The following DLC1 variants were observed in gnomAD, a reference collection of about 807,000 sequenced individuals.
The protein encoded by DLC1 is DLC1 Rho GTPase activating protein.
DLC1 carries 54 observed loss-of-function variants against 140.3 expected under a neutral mutation model. The observed-to-expected ratio is 0.38, with a 90% CI of 0.31 to 0.48. The LOEUF (loss-of-function observed/expected upper bound fraction) is 0.48, where lower values mean the gene tolerates loss of function less well. DLC1 is among the 20% of genes least tolerant of loss of function. The probability of loss-of-function intolerance (pLI) is 0.96; values close to 1 mark genes in which losing one functional copy is unlikely to be tolerated. For missense variants in DLC1, 2,536 were observed against 1,907.0 expected, an observed-to-expected ratio of 1.33 and a Z score of -6.14; for synonymous variants, 986 against 728.1, an observed-to-expected ratio of 1.35 and a Z score of -5.70.
At chr8:13,406,181 G>GTTGTTTTTTTT (rs1554514489) in intron 2 of DLC1, among the ~76,000 whole-genome samples, 4 of 84,960 alleles carry the variant, frequency 4.7e-5, no homozygotes, top group Non-Finnish European at 8.6e-5. Flanking sequence ...TAATTTTTGT[G>GTTGTTTTTTTT]TTTTTTTTTT....
chr8:13,231,432 G>T (rs898054459), intron 5 of DLC1, among the ~76,000 whole-genome samples: 4 of 152,154 alleles, frequency 2.6e-5, no homozygotes, highest in Non-Finnish European at 4.4e-5. Flanking sequence ...TGTTAAATGA[G>T]ATGATTTCTA....
intron 1 of DLC1, among the ~76,000 whole-genome samples, chr8:13,538,369 A>G (rs1334629500): frequency 8.6e-6 from 1 of 116,292 alleles, no homozygotes; most frequent in Non-Finnish European, 1.6e-5. Context: ...CACTGAGTAT[A>G]AAAAAAAAAA....
intron 1 of DLC1, among the ~76,000 whole-genome samples, chr8:13,553,204 ATATATATATATATATATATATATG>A (rs1363162409): frequency 3.5e-4 from 12 of 34,758 alleles, no homozygotes; most frequent in East Asian, 3.8e-3. Context: ...GCCAGCTGTC[ATATATATATATATATATATATATG>A]TATATATATA....
chr8:13,090,496 G>C, intron 14 of DLC1, 26 bp from the exon 15 acceptor site: 2 of 1,611,604 alleles, frequency 1.2e-6, no homozygotes, highest in African/African-American at 2.7e-5. Context: ...CAGACAGAAA[G>C]GAGGTGAGTC....
chr8:13,495,770 A>T (rs1801472789), intron 2 of DLC1, among the ~76,000 whole-genome samples: 1 of 152,214 alleles, frequency 6.6e-6, no homozygotes, highest in South Asian at 2.1e-4. Context: ...GCTAAGATTT[A>T]TGGGCTTCAA....
At chr8:13,495,471 T>G (rs1251732635) in intron 2 of DLC1, among the ~76,000 whole-genome samples, 2 of 152,202 alleles carry the variant, frequency 1.3e-5, no homozygotes, top group African/African-American at 4.8e-5. Context: ...TTATGGCACA[T>G]TCACTAACAT....
intron 5 of DLC1, 122 bp downstream of exon 5, chr8:13,305,144 AAAC>A (rs1395277824): frequency 1.0e-5 from 14 of 1,389,574 alleles, no homozygotes; most frequent in South Asian, 3.7e-5. Flanking sequence ...TACAGAATTT[AAAC>A]AACATTTTCC....
At chr8:13,454,508 G>A (rs900713802) in intron 2 of DLC1, among the ~76,000 whole-genome samples, 1 of 152,170 alleles carries the variant, frequency 6.6e-6, no homozygotes, top group Non-Finnish European at 1.5e-5. Flanking sequence ...TGGAACAAAT[G>A]TGCCTGATGG....
intron 4 of DLC1, among the ~76,000 whole-genome samples, chr8:13,353,852 C>T (rs182478798): frequency 2.6e-4 from 39 of 148,368 alleles, no homozygotes; most frequent in Middle Eastern, 3.4e-3. Context: ...AGTGAGACTT[C>T]GTCTGGAAAA....
intron 5 of DLC1, among the ~76,000 whole-genome samples, chr8:13,124,020 TAAAAG>T (rs1339091687): frequency 1.3e-5 from 2 of 152,208 alleles, no homozygotes; most frequent in African/African-American, 2.4e-5. Context: ...GTAACTATTA[TAAAAG>T]AAGTTTCAAA....
At chr8:13,189,009 A>G (rs1826586722) in intron 5 of DLC1, among the ~76,000 whole-genome samples, 1 of 151,458 alleles carries the variant, frequency 6.6e-6, no homozygotes. Context: ...ATTTTTAAAC[A>G]AATAAAAATC....
chr8:13,443,599 A>C (rs1252342067), intron 2 of DLC1, among the ~76,000 whole-genome samples: 1 of 148,200 alleles, frequency 6.7e-6, no homozygotes, highest in East Asian at 2.0e-4. Context: ...CGGAGCTTGC[A>C]GTGAGCCAAG....
intron 2 of DLC1, among the ~76,000 whole-genome samples, chr8:13,473,187 T>C (rs2117079840): frequency 6.6e-6 from 1 of 152,306 alleles, no homozygotes; most frequent in African/African-American, 2.4e-5. Flanking sequence ...AGACAGGTTT[T>C]CAGTAGAGAA....
At chr8:13,383,001 C>T (rs1341977494) in intron 4 of DLC1, among the ~76,000 whole-genome samples, 2 of 152,144 alleles carry the variant, frequency 1.3e-5, no homozygotes, top group African/African-American at 2.4e-5. Flanking sequence ...AGCAGAAACA[C>T]CTATAGCTTG....
Position 13,451,037 on chromosome 8 carries a change from C to CAAAAAAAAAAAAAAAAAAAAAAAA in DLC1, c.1023+47988_1023+48011dup, listed in dbSNP as rs1169620786. The stretch of plus-strand genomic sequence containing the variant: ...CTGGTGATAGAGTGAGACTCCGTCT[C>CAAAAAAAAAAAAAAAAAAAAAAAA]AAAAAAAAAAAAAAAAAAAAAAAAA... On this transcript the variant is annotated intron_variant, in intron 2 of 17. Transcript: ENST00000276297. 8.2e-4 allele frequency among the ~76,000 whole-genome samples: 15 copies of CAAAAAAAAAAAAAAAAAAAAAAAA among 18,370 alleles called. 2 individuals are homozygous for CAAAAAAAAAAAAAAAAAAAAAAAA. Among genetic ancestry groups the CAAAAAAAAAAAAAAAAAAAAAAAA allele is most frequent in the East Asian group, 2.7e-3 (1 of 374 alleles). The allele number at this position is 18,370 out of a possible 152,430, so 12.1% of individuals were successfully genotyped here.
At chr8:13,128,491 A>G (rs767543831) in intron 5 of DLC1, among the ~76,000 whole-genome samples, 3 of 152,190 alleles carry the variant, frequency 2.0e-5, no homozygotes, top group Non-Finnish European at 2.9e-5. Context: ...AAGGCTCCGT[A>G]AGGGCCACAA....
At chr8:13,477,622 A>ACTGTG (rs1397761403) in intron 2 of DLC1, among the ~76,000 whole-genome samples, 1 of 152,234 alleles carries the variant, frequency 6.6e-6, no homozygotes, top group East Asian at 1.9e-4. Context: ...ATCTGATTAG[A>ACTGTG]CTGTGTAGAA....
intron 3 of DLC1, among the ~76,000 whole-genome samples, chr8:13,394,154 T>C (rs965861994): frequency 1.3e-5 from 2 of 152,240 alleles, no homozygotes; most frequent in Admixed American, 6.5e-5. Context: ...ATCTCTTCTA[T>C]GTTCCTATTC....
intron 5 of DLC1, among the ~76,000 whole-genome samples, chr8:13,238,929 G>T (rs566995908): frequency 5.3e-5 from 8 of 152,188 alleles, no homozygotes; most frequent in South Asian, 4.1e-4. Context: ...CAGATGGTGT[G>T]GGGGGTGTAG....
Sources: gnomAD v4.1 joint callset for allele counts (sites outside exome capture counted in the v4.1 genomes callset) on GRCh38, gnomAD v4.1.1 for gene constraint, MANE v1.5 for transcripts, NCBI Gene and HGNC (gene_info 2026-07-23, HGNC 2026-07-21) for gene names.